Variants in RYR3 observed in about 807,000 individuals in gnomAD.
RYR3 encodes the protein ryanodine receptor 3, also known as brain ryanodine receptor-calcium release channel.
In RYR3, 207 loss-of-function variants were observed where a neutral mutation model predicts 584.3. The ratio of observed to expected loss-of-function variants is 0.35; its 90% CI spans 0.32 to 0.40. RYR3 has a LOEUF of 0.40. Ranked by LOEUF, RYR3 falls within the 10% of genes least tolerant of loss-of-function variation. The probability of loss-of-function intolerance (pLI) is 1.00; values close to 1 mark genes in which losing one functional copy is unlikely to be tolerated. For missense variants in RYR3, 5,616 were observed against 6,089.2 expected (o/e 0.92, Z 2.59); for synonymous variants, 2,416 against 2,248.5 (o/e 1.07, Z -2.11).
intron 1 of RYR3, among the ~76,000 whole-genome samples, chr15:33,374,178 G>A (rs1567118063): frequency 2.0e-5 from 3 of 151,844 alleles, no homozygotes; most frequent in African/African-American, 7.3e-5. Flanking sequence ...TGTTTTTAAA[G>A]AAAAAAAAGC....
intron 63 of RYR3, among the ~76,000 whole-genome samples, chr15:33,772,945 G>A (rs2073698949): frequency 6.6e-6 from 1 of 152,220 alleles, no homozygotes; most frequent in Non-Finnish European, 1.5e-5. Context: ...GGCTAGGGAT[G>A]TGTAGCCGCC....
At chr15:33,481,857 C>T (rs1018228916) in intron 2 of RYR3, among the ~76,000 whole-genome samples, 9 of 148,252 alleles carry the variant, frequency 6.1e-5, no homozygotes, top group African/African-American at 1.2e-4. Flanking sequence ...TCCTTGCATT[C>T]ATATTTATAC....
chr15:33,693,688 A>G (rs146452213), intron 38 of RYR3, among the ~76,000 whole-genome samples: 440 of 152,348 alleles, frequency 2.9e-3, no homozygotes, highest in Middle Eastern at 0.014. Flanking sequence ...GAGCCCTCCC[A>G]AGGGCTGTAG....
chr15:33,654,173 A>G (rs75818388), intron 32 of RYR3, among the ~76,000 whole-genome samples: 5 of 152,246 alleles, frequency 3.3e-5, no homozygotes, highest in Non-Finnish European at 7.4e-5. Flanking sequence ...AGTCAGGAGA[A>G]TGTTCATTAA....
chr15:33,831,014 G>C lies in RYR3; in HGVS notation c.11386G>C (p.Glu3796Gln), dbSNP rs767089690. 1.1e-5 allele frequency: 18 copies of C among 1,613,572 alleles called. No homozygotes were observed. The East Asian group carries it at 4.0e-4, about 36-fold the overall frequency. ...WYYSGKDIID[E>Q]SGQHNFSKAL... Reference sequence around the variant, plus strand: ...TTATTCAGGGAAGGACATCATTGATGAATCTGGACAGCACAATTTTTCCAA... The same window carrying C: ...TTATTCAGGGAAGGACATCATTGATCAATCTGGACAGCACAATTTTTCCAA... The change falls in exon 86 of 104, where the codon GAA (glutamate) becomes CAA (glutamine). Residue 3796 changes from glutamate (E) to glutamine (Q), a missense_variant. Glu to Gln is a conservative substitution (Grantham distance 29, BLOSUM62 2). Transcript: ENST00000634891.
rs780350152 is a variant in RYR3 at position 33,844,890 on chromosome 15, C to G, written c.13325C>G (p.Thr4442Arg). 2.5e-6 allele frequency: 4 copies of G among 1,613,916 alleles called. No individual in the cohort carries two copies. Among genetic ancestry groups the G allele is most frequent in the Non-Finnish European group, 3.4e-6 (4 of 1,179,854 alleles). Reference sequence around the variant, plus strand: ...ACTGAAGAACCTTTAGAAGAAGAGACAGAGGATGTTGCAAACCTATGGAAT... The same window carrying G: ...ACTGAAGAACCTTTAGAAGAAGAGAGAGAGGATGTTGCAAACCTATGGAAT... Reference protein sequence around the residue: ...KVTEEPLEEETEDVANLWNSF... With the variant: ...KVTEEPLEEEREDVANLWNSF... The change falls in exon 93 of 104, where the codon ACA (threonine) becomes AGA (arginine). Residue 4442 changes from threonine to arginine, a missense_variant. Physicochemically the swap from Thr to Arg is moderately conservative, Grantham distance 71. This residue lies in a region of RYR3 where 918 missense variants were observed against 887.4 expected (regional missense o/e 1.03). Coordinates refer to ENST00000634891, the MANE Select transcript of RYR3 (RefSeq NM_001036.6).
At chr15:33,501,880 G>T (rs1010290399) in intron 2 of RYR3, among the ~76,000 whole-genome samples, 5 of 152,104 alleles carry the variant, frequency 3.3e-5, no homozygotes, top group African/African-American at 1.2e-4. Context: ...CCTGCTTTGG[G>T]AACAGACTTT....
chr15:33,670,692 C>G, intron 38 of RYR3, 136 bp downstream of exon 38: 1 of 872,404 alleles, frequency 1.1e-6, no homozygotes, highest in Non-Finnish European at 1.7e-6. Context: ...GTTATAATTG[C>G]TGGTGGTTCA....
intron 101 of RYR3, 25 bp downstream of exon 101, chr15:33,860,684 C>G (rs760852309): frequency 5.8e-5 from 87 of 1,499,708 alleles, no homozygotes; most frequent in Non-Finnish European, 7.5e-5. Context: ...ACTACTAATC[C>G]CAGCTCTATT....
chr15:33,640,049 A>AG (rs57166113), intron 27 of RYR3, among the ~76,000 whole-genome samples: 28,910 of 152,078 alleles, frequency 0.19, 3,536 homozygotes, highest in East Asian at 0.62. Flanking sequence ...CACTCCCCTG[A>AG]GGGACATGCT....
At chr15:33,535,387 C>A (rs2055239211) in intron 5 of RYR3, among the ~76,000 whole-genome samples, 1 of 152,178 alleles carries the variant, frequency 6.6e-6, no homozygotes, top group Non-Finnish European at 1.5e-5. Flanking sequence ...AAAAGTGGCC[C>A]CGCCTTTGCC....
At chr15:33,573,464 T>C (rs749717074) in intron 12 of RYR3, among the ~76,000 whole-genome samples, 5 of 152,212 alleles carry the variant, frequency 3.3e-5, no homozygotes, top group Non-Finnish European at 7.3e-5. Flanking sequence ...AATTTCATCA[T>C]GCTATCTCAT....
chr15:33,702,005 A>G (rs115827314), intron 42 of RYR3, among the ~76,000 whole-genome samples: 3,238 of 152,302 alleles, frequency 0.021, 127 homozygotes, highest in African/African-American at 0.075. Context: ...ATGCTCATAC[A>G]CTGTGCCAGG....
chr15:33,405,544 T>C (rs1272420965), intron 1 of RYR3, among the ~76,000 whole-genome samples: 1 of 152,174 alleles, frequency 6.6e-6, no homozygotes, highest in East Asian at 1.9e-4. Context: ...ACATGTAGTA[T>C]CGTGTTCAAT....
intron 2 of RYR3, among the ~76,000 whole-genome samples, chr15:33,485,056 A>G (rs1322419381): frequency 6.6e-6 from 1 of 152,212 alleles, no homozygotes; most frequent in Non-Finnish European, 1.5e-5. Flanking sequence ...AATAAACGAT[A>G]AGAAGGAACA....
At chr15:33,724,498 C>T (rs1294818734) in intron 45 of RYR3, among the ~76,000 whole-genome samples, 1 of 152,154 alleles carries the variant, frequency 6.6e-6, no homozygotes. Context: ...GATTCTGGAT[C>T]ATGGCCATCA....
intron 1 of RYR3, among the ~76,000 whole-genome samples, chr15:33,365,159 C>T (rs1160295333): frequency 6.6e-6 from 1 of 152,162 alleles, no homozygotes; most frequent in Admixed American, 6.5e-5. Flanking sequence ...TCAGCTGGTG[C>T]AGAAAGAGTC....
At chr15:33,694,712 T>G (rs986100681) in intron 38 of RYR3, among the ~76,000 whole-genome samples, 4 of 152,240 alleles carry the variant, frequency 2.6e-5, no homozygotes, top group Admixed American at 2.6e-4. Flanking sequence ...CCCTAGAGGA[T>G]ACAGATATTA....
At chr15:33,694,278 G>C (rs1236111232) in intron 38 of RYR3, among the ~76,000 whole-genome samples, 3 of 151,004 alleles carry the variant, frequency 2.0e-5, no homozygotes, top group Non-Finnish European at 2.9e-5. Flanking sequence ...CGGAGTCTTG[G>C]TCTGTCGCCC....
Sources: gnomAD v4.1 joint callset for allele counts (sites outside exome capture counted in the v4.1 genomes callset) on GRCh38, gnomAD v4.1.1 for gene constraint, gnomAD v4.1.1 regional missense constraint, MANE v1.5 for transcripts, NCBI Gene and HGNC (gene_info 2026-07-23, HGNC 2026-07-21) for gene names.